The following ZNF475 variants were observed in gnomAD, a reference collection of about 807,000 sequenced individuals.
ZNF475 encodes zinc finger protein 475.
At chr5:122,182,564 T>TA in the ZNF475 span, 3 of 1,535,728 alleles carry the variant, frequency 2.0e-6, no homozygotes, top group East Asian at 7.3e-5. Flanking sequence ...TGGTTCCCTG[T>TA]AATGTTTGTG....
chr5:122,174,485 C>G, the ZNF475 span, among the ~76,000 whole-genome samples: 1 of 152,168 alleles, frequency 6.6e-6, no homozygotes, highest in Non-Finnish European at 1.5e-5. Context: ...GTAAGATGCT[C>G]AAAACCTAAG....
chr5:122,173,536 T>A, the ZNF475 span, among the ~76,000 whole-genome samples: 3 of 152,256 alleles, frequency 2.0e-5, no homozygotes, highest in African/African-American at 7.2e-5. Flanking sequence ...CACTTCCCTG[T>A]GTGTTACACA....
the ZNF475 span, among the ~76,000 whole-genome samples, chr5:122,172,895 T>A: frequency 6.6e-6 from 1 of 152,094 alleles, no homozygotes; most frequent in Non-Finnish European, 1.5e-5. Context: ...TAGCTGGGCA[T>A]GGTGGCAGGC....
the ZNF475 span, among the ~76,000 whole-genome samples, chr5:122,173,312 G>T: frequency 8.5e-5 from 13 of 152,230 alleles, no homozygotes; most frequent in African/African-American, 2.9e-4. Flanking sequence ...TGAAATGTAG[G>T]TATTCTAGTC....
At chr5:122,170,925 T>C in the ZNF475 span, among the ~76,000 whole-genome samples, 1 of 152,144 alleles carries the variant, frequency 6.6e-6, no homozygotes. Context: ...AAGGACCAAA[T>C]ATAATTTTAA....
chr5:122,179,472 G>T, the ZNF475 span: 3 of 623,378 alleles, frequency 4.8e-6, no homozygotes, highest in Non-Finnish European at 5.2e-6. Context: ...CTTGTAAGTT[G>T]TATTCCTAGG....
At chr5:122,179,754 G>T in the ZNF475 span, 1 of 1,464,518 alleles carries the variant, frequency 6.8e-7, no homozygotes, top group South Asian at 1.4e-5. Flanking sequence ...AAAAAGATTT[G>T]AGTGCATAAG....
At chr5:122,176,355 A>G in the ZNF475 span, among the ~76,000 whole-genome samples, 1 of 152,016 alleles carries the variant, frequency 6.6e-6, no homozygotes, top group Non-Finnish European at 1.5e-5. Flanking sequence ...GCAGGCCTGT[A>G]TTTCCTGTTT....
At chr5:122,182,541 G>A in the ZNF475 span, 1 of 1,534,066 alleles carries the variant, frequency 6.5e-7, no homozygotes, top group Non-Finnish European at 8.7e-7. Flanking sequence ...TTGGACAAGT[G>A]CCCACAGCCA....
At chr5:122,170,938 G>C in the ZNF475 span, among the ~76,000 whole-genome samples, 921 of 152,244 alleles carry the variant, frequency 6.0e-3, 10 homozygotes, top group African/African-American at 0.021. Flanking sequence ...AATTTTAAAA[G>C]CTCCTATCAC....
chr5:122,165,482 A>T, the ZNF475 span, among the ~76,000 whole-genome samples: 1 of 152,092 alleles, frequency 6.6e-6, no homozygotes, highest in East Asian at 1.9e-4. Flanking sequence ...TTAATTCTAC[A>T]TGTTGTGACT....
chr5:122,175,056 T>C, the ZNF475 span, among the ~76,000 whole-genome samples: 1 of 152,316 alleles, frequency 6.6e-6, no homozygotes, highest in African/African-American at 2.4e-5. Flanking sequence ...TTTAGTTATT[T>C]TGATAAATGT....
At chr5:122,161,620 T>C in the ZNF475 span, among the ~76,000 whole-genome samples, 1 of 152,218 alleles carries the variant, frequency 6.6e-6, no homozygotes, top group Non-Finnish European at 1.5e-5. Flanking sequence ...GAAAACCCAA[T>C]GTCCAAGTTC....
At chr5:122,166,444 C>A in the ZNF475 span, among the ~76,000 whole-genome samples, 5 of 152,066 alleles carry the variant, frequency 3.3e-5, no homozygotes, top group Non-Finnish European at 5.9e-5. Context: ...GTGCTGCACC[C>A]ATTAACTCGT....
the ZNF475 span, among the ~76,000 whole-genome samples, chr5:122,181,715 C>A: frequency 6.6e-6 from 1 of 152,144 alleles, no homozygotes; most frequent in Non-Finnish European, 1.5e-5. Context: ...TTCAGTGGTT[C>A]TAAGACATAG....
the ZNF475 span, chr5:122,182,616 T>C: frequency 2.0e-6 from 3 of 1,535,356 alleles, no homozygotes; most frequent in East Asian, 7.3e-5. Flanking sequence ...TCACCAACGA[T>C]CTTGTAAACC....
chr5:122,176,705 T>G, the ZNF475 span, among the ~76,000 whole-genome samples: 1 of 152,214 alleles, frequency 6.6e-6, no homozygotes, highest in Non-Finnish European at 1.5e-5. Flanking sequence ...CCTTTTCTTG[T>G]GGCAGAAAAT....
the ZNF475 span, chr5:122,179,628 C>G: frequency 5.9e-6 from 9 of 1,534,252 alleles, no homozygotes; most frequent in Non-Finnish European, 7.9e-6. Flanking sequence ...TATTAGCATT[C>G]ATGAGCCACA....
At chr5:122,164,980 G>A in the ZNF475 span, among the ~76,000 whole-genome samples, 7 of 152,084 alleles carry the variant, frequency 4.6e-5, no homozygotes, top group African/African-American at 1.7e-4. Context: ...GAGATGAAAG[G>A]GGCAAAAAGA....
Sources: gnomAD v4.1 joint callset for allele counts (sites outside exome capture counted in the v4.1 genomes callset) on GRCh38, gnomAD v4.1.1 for gene constraint, MANE v1.5 for transcripts, NCBI Gene and HGNC (gene_info 2026-07-23, HGNC 2026-07-21) for gene names.